Variants in ADSL observed in about 807,000 individuals in gnomAD.
ADSL encodes the protein adenylosuccinate lyase.
A neutral mutation model predicts 62.1 loss-of-function variants in ADSL; 44 were observed. The observed-to-expected ratio is 0.71, with a 90% CI of 0.56 to 0.91. ADSL has a LOEUF of 0.91. Ranked by LOEUF, ADSL falls within the 40% of genes least tolerant of loss-of-function variation. The pLI is 0.00. For missense variants in ADSL, 531 were observed against 627.4 expected (o/e 0.85, Z 1.64); for synonymous variants, 198 against 220.5 (o/e 0.90, Z 0.90).
intron 2 of ADSL, among the ~76,000 whole-genome samples, chr22:40,351,362 G>C (rs1056327965): frequency 6.6e-6 from 1 of 151,972 alleles, no homozygotes; most frequent in Non-Finnish European, 1.5e-5. Context: ...AGTAGAGACA[G>C]GGTTTCACTA....
chr22:40,368,862 T>TG lies in ADSL; in HGVS notation c.*2341dup, dbSNP rs1359645501. ...TTGCTTGAACCTGGGAGGCAGAAGT[T>TG]GCAGTGAGCCAAGATCATGCCACTG... On this transcript the variant is annotated 3_prime_UTR_variant, in exon 13 of 13. Coordinates refer to ENST00000623063, the MANE Select transcript of ADSL (RefSeq NM_000026.4). The TG allele has an allele frequency of 1.3e-5, 2 of 152,192 alleles. No homozygotes were observed. The highest frequency in any genetic ancestry group is 4.8e-5 in the African/African-American group (2 of 41,420). 9.4% of individuals were successfully genotyped at this position (152,192 alleles called of 1,614,324 possible). A position where few individuals can be genotyped will look rare whatever the true frequency, so the allele number is the denominator to read the frequency against.
intron 9 of ADSL, 26 bp from the exon 10 acceptor site, chr22:40,362,955 A>G (rs370483554): frequency 4.4e-6 from 7 of 1,590,620 alleles, no homozygotes; most frequent in Non-Finnish European, 4.3e-6. Flanking sequence ...GTTTAAAGAC[A>G]TACTGAATGG....
intron 4 of ADSL, among the ~76,000 whole-genome samples, chr22:40,357,236 C>T (rs1349586448): frequency 7.3e-6 from 1 of 137,280 alleles, no homozygotes; most frequent in Non-Finnish European, 1.5e-5. Flanking sequence ...CCTTCAGTGG[C>T]TTGATTTGGG....
chr22:40,350,146 T>TTC, intron 2 of ADSL, 111 bp downstream of exon 2: 5 of 1,039,836 alleles, frequency 4.8e-6, no homozygotes, highest in Non-Finnish European at 7.1e-6. Flanking sequence ...TTTTTTTTTT[T>TTC]TGAGGCAGAG....
downstream of ADSL, among the ~76,000 whole-genome samples, chr22:40,371,553 T>A (rs1468172200): frequency 1.3e-5 from 2 of 152,254 alleles, no homozygotes; most frequent in Non-Finnish European, 2.9e-5. Flanking sequence ...GACAGGTTTG[T>A]GATTAGGTTT....
intron 2 of ADSL, among the ~76,000 whole-genome samples, chr22:40,380,298 CATTT>C (rs2047345543): frequency 6.6e-6 from 1 of 151,588 alleles, no homozygotes; most frequent in Non-Finnish European, 1.5e-5. Flanking sequence ...AACATTCTGG[CATTT>C]ATTTCTTTAT....
chr22:40,348,789 G>C (rs149511728), intron 1 of ADSL: 30 of 390,276 alleles, frequency 7.7e-5, no homozygotes, highest in Non-Finnish European at 1.4e-4. Context: ...GATCCTTCCC[G>C]GAGTCACTGT....
intron 2 of ADSL, among the ~76,000 whole-genome samples, chr22:40,383,999 A>G (rs2048016584): frequency 6.6e-6 from 1 of 152,188 alleles, no homozygotes; most frequent in South Asian, 2.1e-4. Flanking sequence ...CTGTAATCCT[A>G]ACACTTTGGG....
rs532555052 is a variant in ADSL, at chr22:40,353,443, C to T, written c.402+326C>T. ...AAGTAGGTGGGAGTACAGGTGCATG[C>T]CACCTCACCTGGCTAATTTTCTGTA... On this transcript the variant is annotated intron_variant, in intron 3 of 12. Coordinates refer to ENST00000623063, the MANE Select transcript of ADSL (RefSeq NM_000026.4). 7.1e-6 allele frequency: 5 copies of T among 700,272 alleles called. No individual in the cohort carries two copies. In the African/African-American group the frequency reaches 8.7e-5, roughly 12 times the overall value. 43.4% of individuals were successfully genotyped at this position (700,272 alleles called of 1,614,324 possible).
intron 4 of ADSL, among the ~76,000 whole-genome samples, chr22:40,357,661 T>A (rs1359397737): frequency 1.3e-5 from 2 of 152,230 alleles, no homozygotes; most frequent in Non-Finnish European, 2.9e-5. Flanking sequence ...CCTCACTGGA[T>A]CTTGACTCCT....
chr22:40,360,420 G>C lies in ADSL; in HGVS notation c.720G>C (p.Gly240=), dbSNP rs780996092. 6.2e-7 allele frequency: 1 copy of C among 1,613,488 alleles called. No homozygotes were observed. Among genetic ancestry groups the C allele is most frequent in the South Asian group, 1.1e-5 (1 of 91,056 alleles). ...AGFKRAFIIT[G]QTYTRKVDIE... Reference sequence around the variant, plus strand: ...TTCCTAGAGCTTTCATCATCACAGGGCAGACATATACACGAAAAGTGGATA... The same window carrying C: ...TTCCTAGAGCTTTCATCATCACAGGCCAGACATATACACGAAAAGTGGATA... The change falls in exon 7 of 13, where the codon GGG becomes GGC. Residue 240 remains glycine, a synonymous_variant. Transcript: ENST00000623063.
At chr22:40,375,599 T>G (rs1450933252) in intron 2 of ADSL, among the ~76,000 whole-genome samples, 1 of 150,758 alleles carries the variant, frequency 6.6e-6, no homozygotes, top group East Asian at 2.0e-4. Context: ...AAAAAGAGAT[T>G]GACACCCCCA....
chr22:40,356,209 AAAAAG>A (rs1327541465), intron 4 of ADSL, among the ~76,000 whole-genome samples: 1 of 150,810 alleles, frequency 6.6e-6, no homozygotes, highest in African/African-American at 2.4e-5. Context: ...CTCAAAAAAA[AAAAAG>A]AAAAGAAAGA....
intron 1 of ADSL, 31 bp downstream of exon 1, chr22:40,346,742 G>A: frequency 6.4e-7 from 1 of 1,572,336 alleles, no homozygotes; most frequent in Non-Finnish European, 8.6e-7. Flanking sequence ...GGGCTGGGCC[G>A]GGAGGGACGG....
At position 40,375,994 on chromosome 22, in the gene ADSL, T is replaced by TCACACCA. The variant is rs540896795; in HGVS notation, c.89+9509_89+9515dup. Among the ~76,000 whole-genome samples, 533 of 150,746 alleles carry TCACACCA rather than the reference T, an allele frequency of 3.5e-3. 10 individuals are homozygous for TCACACCA. Among genetic ancestry groups the TCACACCA allele is most frequent in the Middle Eastern group, 0.035 (10 of 284 alleles). ...AGATTGAAGCTGTAGTGAGCTGTGA[T>TCACACCA]CACACCACACACCACACACTCCAGC... is the stretch of plus-strand genomic sequence containing the variant. On this transcript the variant is annotated intron_variant, in intron 2 of 2. Coordinates refer to the ADSL transcript ENST00000498234.
At chr22:40,358,201 A>G (rs1000441849) in intron 4 of ADSL, among the ~76,000 whole-genome samples, 1 of 152,234 alleles carries the variant, frequency 6.6e-6, no homozygotes, top group African/African-American at 2.4e-5. Flanking sequence ...ATACTTGGCA[A>G]ATATTACACG....
At chr22:40,387,319 G>T in intron 2 of ADSL, 2 of 397,474 alleles carry the variant, frequency 5.0e-6, no homozygotes, top group Non-Finnish European at 8.9e-6. Flanking sequence ...ATTCTTTAGG[G>T]TAATGTTATG....
At chr22:40,385,962 C>G (rs1028920278) in intron 2 of ADSL, among the ~76,000 whole-genome samples, 2 of 152,106 alleles carry the variant, frequency 1.3e-5, no homozygotes, top group African/African-American at 4.8e-5. Context: ...GGCGATTCTC[C>G]TATCTCAACT....
At position 40,361,764 on chromosome 22, in the gene ADSL, G is replaced by A. The variant is rs1034110202; in HGVS notation, c.1010+129G>A. On this transcript the variant is annotated intron_variant, in intron 9 of 12. Coordinates refer to ENST00000623063, the MANE Select transcript of ADSL (RefSeq NM_000026.4). ...CCCAAGGATCCCAGAGTCTAGCAGG[G>A]AGGCAAAAACATAAAAAGGACAGTG... 9.5e-6 allele frequency: 12 copies of A among 1,265,676 alleles called. No homozygotes were observed. In the African/African-American group the frequency reaches 1.5e-4, roughly 16 times the overall value. 78.4% of individuals were successfully genotyped at this position (1,265,676 alleles called of 1,614,324 possible).
Sources: gnomAD v4.1 joint callset for allele counts (sites outside exome capture counted in the v4.1 genomes callset) on GRCh38, gnomAD v4.1.1 for gene constraint, MANE v1.5 for transcripts, NCBI Gene and HGNC (gene_info 2026-07-23, HGNC 2026-07-21) for gene names.